The following CTNNA3 variants were observed in gnomAD, a reference collection of about 807,000 sequenced individuals.
CTNNA3 encodes catenin alpha 3, also known as catenin alpha-3.
Under a neutral mutation model 95.7 loss-of-function variants are expected in CTNNA3, and 76 were observed. That is an observed-to-expected ratio of 0.79 (90% CI 0.66 to 0.96). CTNNA3 has a LOEUF of 0.96. Ranked by LOEUF, CTNNA3 falls within the 40% of genes least tolerant of loss-of-function variation. The pLI is 0.00. For synonymous variants in CTNNA3, 431 were observed against 374.4 expected, an observed-to-expected ratio of 1.15 and a Z score of -1.74; for missense variants, 1,191 against 1,089.8, an observed-to-expected ratio of 1.09 and a Z score of -1.31.
intron 7 of CTNNA3, among the ~76,000 whole-genome samples, chr10:67,078,730 A>C (rs530394262): frequency 6.6e-6 from 1 of 152,150 alleles, no homozygotes; most frequent in East Asian, 1.9e-4. Context: ...GTTAGCCAGG[A>C]TGGTCTCAAT....
At chr10:66,561,565 A>G (rs1333944697) in intron 10 of CTNNA3, among the ~76,000 whole-genome samples, 6 of 152,064 alleles carry the variant, frequency 3.9e-5, no homozygotes, top group African/African-American at 1.4e-4. Flanking sequence ...CAGGGGAATA[A>G]AGGAGAATTA....
intron 3 of CTNNA3, among the ~76,000 whole-genome samples, chr10:67,557,921 T>G (rs1841317659): frequency 6.6e-6 from 1 of 152,208 alleles, no homozygotes; most frequent in African/African-American, 2.4e-5. Context: ...GAACAAATGC[T>G]TCTGCCACTA....
chr10:66,697,760 G>A (rs922329090), intron 9 of CTNNA3, among the ~76,000 whole-genome samples: 3 of 152,074 alleles, frequency 2.0e-5, no homozygotes, highest in Admixed American at 2.0e-4. Flanking sequence ...CCTCTTTGAA[G>A]CAATTTTCAA....
intron 13 of CTNNA3, among the ~76,000 whole-genome samples, chr10:66,207,766 T>C (rs540575162): frequency 6.6e-6 from 1 of 152,236 alleles, no homozygotes; most frequent in African/African-American, 2.4e-5. Context: ...TCAGAAGGAC[T>C]AGGGCTTGTA....
intron 7 of CTNNA3, among the ~76,000 whole-genome samples, chr10:67,020,482 C>A (rs959621156): frequency 6.6e-6 from 1 of 152,134 alleles, no homozygotes; most frequent in Non-Finnish European, 1.5e-5. Context: ...TGTTCACTTA[C>A]AGAGTCTAAC....
At chr10:66,876,557 A>G (rs1844629649) in intron 7 of CTNNA3, among the ~76,000 whole-genome samples, 2 of 152,140 alleles carry the variant, frequency 1.3e-5, no homozygotes, top group Non-Finnish European at 2.9e-5. Flanking sequence ...CCTTATACAC[A>G]TTTATATCCA....
chr10:66,849,460 C>T (rs906662724), intron 7 of CTNNA3, among the ~76,000 whole-genome samples: 2 of 151,988 alleles, frequency 1.3e-5, no homozygotes, highest in African/African-American at 4.8e-5. Context: ...ATAGTGTGCC[C>T]CAAAATTCAT....
chr10:66,098,233 G>A (rs191454377), intron 14 of CTNNA3, among the ~76,000 whole-genome samples: 1 of 152,212 alleles, frequency 6.6e-6, no homozygotes, highest in Admixed American at 6.5e-5. Context: ...TATAATGCTG[G>A]CTGTTGCAAT....
Position 67,055,438 on chromosome 10 carries a change from G to A in CTNNA3, c.1047+124879C>T, listed in dbSNP as rs560071312. Among the ~76,000 whole-genome samples, 642 of 152,070 alleles carry A rather than the reference G, an allele frequency of 4.2e-3. 5 individuals carry two copies. Among genetic ancestry groups the A allele is most frequent in the African/African-American group, 0.015 (614 of 41,480 alleles). On this transcript the variant is annotated intron_variant, in intron 7 of 17. Coordinates refer to ENST00000433211, the MANE Select transcript of CTNNA3 (RefSeq NM_013266.4). ...GAACTTTACACAGTTCCTGTCCAAA[G>A]GGATAATTAACAAAGCAAATAGGTA...
At chr10:67,312,873 A>G (rs1840868591) in intron 5 of CTNNA3, among the ~76,000 whole-genome samples, 1 of 152,216 alleles carries the variant, frequency 6.6e-6, no homozygotes, top group Admixed American at 6.5e-5. Context: ...AACCATAATA[A>G]TAGACAATCA....
At chr10:66,502,723 G>GA (rs1006129602) in intron 11 of CTNNA3, among the ~76,000 whole-genome samples, 254 of 148,206 alleles carry the variant, frequency 1.7e-3, no homozygotes, top group African/African-American at 5.3e-3. Context: ...CCCATTGATG[G>GA]AAAAAAAAAA....
intron 3 of CTNNA3, among the ~76,000 whole-genome samples, chr10:67,579,294 A>ACATG (rs1488091877): frequency 1.4e-5 from 2 of 144,776 alleles, no homozygotes; most frequent in African/African-American, 2.6e-5. Flanking sequence ...ATGAGTGAGA[A>ACATG]CATGCGGTCT....
chr10:67,577,883 G>T (rs973059547), intron 3 of CTNNA3, among the ~76,000 whole-genome samples: 1 of 150,160 alleles, frequency 6.7e-6, no homozygotes, highest in Admixed American at 6.6e-5. Flanking sequence ...TGGATGGCTG[G>T]ATGCAATGGT....
intron 5 of CTNNA3, among the ~76,000 whole-genome samples, chr10:67,452,413 T>C (rs1390417027): frequency 2.0e-5 from 3 of 152,340 alleles, no homozygotes; most frequent in South Asian, 4.1e-4. Context: ...TTCCCAATGG[T>C]ACCTAACATC....
chr10:67,028,568 T>C (rs1218403655), intron 7 of CTNNA3, among the ~76,000 whole-genome samples: 2 of 151,338 alleles, frequency 1.3e-5, no homozygotes, highest in Non-Finnish European at 2.9e-5. Context: ...AATGTAGTTA[T>C]GTCAAACAGC....
At chr10:67,231,203 G>A (rs1342870407) in intron 5 of CTNNA3, among the ~76,000 whole-genome samples, 2 of 152,248 alleles carry the variant, frequency 1.3e-5, no homozygotes, top group African/African-American at 4.8e-5. Context: ...TGCCTCTGTA[G>A]GCTCCACCTC....
chr10:67,719,046 C>A (rs1189790235), intron 1 of CTNNA3, among the ~76,000 whole-genome samples: 1 of 151,998 alleles, frequency 6.6e-6, no homozygotes, highest in African/African-American at 2.4e-5. Flanking sequence ...GTGTATGTGT[C>A]CAGGAATTTA....
In CTNNA3 at chr10:66,111,139, G is replaced by A. The variant is rs1055607831; in HGVS notation, c.1885-7890C>T. Among the ~76,000 whole-genome samples the A allele has an allele frequency of 5.9e-5, 9 of 152,114 alleles. No individual in the cohort carries two copies. In the South Asian group the frequency reaches 8.3e-4, roughly 14 times the overall value. On this transcript the variant is annotated intron_variant, in intron 13 of 17. Transcript: ENST00000433211. ...ACCTGGTAGGAGGTGATTGGATCAC[G>A]GGGGCAGATTTCCTCCTTGCTCTTC... is the stretch of plus-strand genomic sequence containing the variant.
At chr10:66,357,924 A>G (rs2092623790) in intron 12 of CTNNA3, among the ~76,000 whole-genome samples, 1 of 152,028 alleles carries the variant, frequency 6.6e-6, no homozygotes, top group South Asian at 2.1e-4. Context: ...ATTGTGTCCA[A>G]TTTCTCCACA....
Sources: allele counts gnomAD v4.1 joint callset (sites outside exome capture counted in the v4.1 genomes callset), GRCh38; gene constraint gnomAD v4.1.1; transcripts MANE v1.5; gene names NCBI Gene and HGNC (gene_info 2026-07-23, HGNC 2026-07-21).